SGCZ: variants seen among roughly 807,000 people sequenced by gnomAD.
SGCZ encodes the protein zeta-sarcoglycan.
Under a neutral mutation model 41.3 loss-of-function variants are expected in SGCZ, and 40 were observed. The ratio of observed to expected loss-of-function variants is 0.97; its 90% CI spans 0.75 to 1.26. The LOEUF is 1.26. SGCZ is among the 50% of genes most tolerant of loss of function. The probability of loss-of-function intolerance (pLI) is 0.00; values close to 1 mark genes in which losing one functional copy is unlikely to be tolerated. For missense variants in SGCZ, 552 were observed against 369.8 expected, an observed-to-expected ratio of 1.49 and a Z score of -4.04; for synonymous variants, 206 against 137.5, an observed-to-expected ratio of 1.50 and a Z score of -3.49.
chr8:14,420,763 G>C (rs943981796), intron 2 of SGCZ, among the ~76,000 whole-genome samples: 7 of 151,984 alleles, frequency 4.6e-5, no homozygotes, highest in African/African-American at 1.4e-4. Context: ...GTTTGTGCCA[G>C]GTCATTACAG....
At chr8:14,316,958 C>G (rs548244614) in intron 3 of SGCZ, among the ~76,000 whole-genome samples, 1 of 151,930 alleles carries the variant, frequency 6.6e-6, no homozygotes, top group Non-Finnish European at 1.5e-5. Flanking sequence ...CCTACCCCCA[C>G]CCCTACATTC....
chr8:14,340,903 C>A (rs1388436485), intron 2 of SGCZ, among the ~76,000 whole-genome samples: 1 of 151,890 alleles, frequency 6.6e-6, no homozygotes, highest in Non-Finnish European at 1.5e-5. Context: ...TTTTATTAAC[C>A]CCAGCTAAGA....
intron 1 of SGCZ, among the ~76,000 whole-genome samples, chr8:14,731,737 T>C (rs1437800158): frequency 2.0e-5 from 3 of 152,140 alleles, no homozygotes; most frequent in African/African-American, 7.2e-5. Context: ...TTTTTGTTCA[T>C]TTCTGGGTCA....
chr8:14,117,788 T>C (rs1802570769), intron 5 of SGCZ, among the ~76,000 whole-genome samples: 1 of 151,504 alleles, frequency 6.6e-6, no homozygotes, highest in Admixed American at 6.6e-5. Flanking sequence ...CCTGTGTCCA[T>C]GTGTTCTCAT....
chr8:14,554,918 T>C lies in SGCZ; in HGVS notation c.48A>G (p.Arg16=), dbSNP rs1030851025. The C allele has an allele frequency of 2.6e-5, 40 of 1,544,112 alleles. No homozygotes were observed. Among genetic ancestry groups the C allele is most frequent in the Non-Finnish European group, 3.3e-5 (38 of 1,142,894 alleles). ...NLDIEELKMT[R]EQYILATQQN... is the part of the protein sequence containing the mutation. ...GTTGGGTTGCTAGTATGTATTGTTC[T>C]CGTGTCATCTGAAAAAGAAAAAAGA... The change falls in exon 2 of 8, where the codon CGA becomes CGG. Residue 16 remains arginine (R), a synonymous_variant. Coordinates refer to ENST00000382080, the MANE Select transcript of SGCZ (RefSeq NM_139167.4).
intron 2 of SGCZ, among the ~76,000 whole-genome samples, chr8:14,395,589 G>A (rs1269404379): frequency 6.6e-6 from 1 of 152,150 alleles, no homozygotes; most frequent in Non-Finnish European, 1.5e-5. Context: ...AATATTGAAA[G>A]GAGTATTGAT....
At position 14,465,287 on chromosome 8, in the gene SGCZ, T is replaced by C. The variant is rs572043618; in HGVS notation, c.234+89445A>G. ...AATGTTTATAGTTATTAAATATTTT[T>C]CCAGTATTGGACATTTTAGTAGTAT... is the stretch of plus-strand genomic sequence containing the variant. On this transcript the variant is annotated intron_variant, in intron 2 of 7. Coordinates refer to ENST00000382080, the MANE Select transcript of SGCZ (RefSeq NM_139167.4). Among the ~76,000 whole-genome samples, 4 of 151,864 alleles carry C rather than the reference T, an allele frequency of 2.6e-5. No individual in the cohort carries two copies. In the East Asian group the frequency reaches 7.7e-4, roughly 29 times the overall value.
intron 2 of SGCZ, among the ~76,000 whole-genome samples, chr8:14,489,612 T>A (rs1801782895): frequency 6.6e-6 from 1 of 152,038 alleles, no homozygotes; most frequent in Non-Finnish European, 1.5e-5. Flanking sequence ...AAAATAATGA[T>A]GTTGTGAAAA....
Position 15,078,262 on chromosome 8 carries a change from G to A in SGCZ, c.39+159323C>T, listed in dbSNP as rs147468365. 5.4e-3 allele frequency among the ~76,000 whole-genome samples: 777 copies of A among 143,302 alleles called. 5 individuals are homozygous for A. Among genetic ancestry groups the A allele is most frequent in the African/African-American group, 0.017 (659 of 37,984 alleles). 94.0% of individuals were successfully genotyped at this position (143,302 alleles called of 152,430 possible). On this transcript the variant is annotated intron_variant, in intron 1 of 7. Coordinates refer to ENST00000382080, the MANE Select transcript of SGCZ (RefSeq NM_139167.4). ...ATGAGACAAGAACCCAGATTTCAGC[G>A]AACTAAGCAGCAAAAAATCCTGCAT...
At chr8:15,195,925 T>G (rs1290684144) in intron 1 of SGCZ, among the ~76,000 whole-genome samples, 1 of 126,288 alleles carries the variant, frequency 7.9e-6, no homozygotes, top group Non-Finnish European at 1.6e-5. Flanking sequence ...TGAGACGGAG[T>G]CTCGCTCTGT....
At chr8:14,152,247 CAAAG>C (rs1427020437) in intron 5 of SGCZ, among the ~76,000 whole-genome samples, 1 of 151,920 alleles carries the variant, frequency 6.6e-6, no homozygotes, top group Non-Finnish European at 1.5e-5. Flanking sequence ...AAAAAACTCA[CAAAG>C]AATTCAATTA....
chr8:14,285,019 T>G (rs1440122908), intron 3 of SGCZ, among the ~76,000 whole-genome samples: 12 of 152,148 alleles, frequency 7.9e-5, no homozygotes, highest in Non-Finnish European at 1.5e-4. Context: ...ATTTTCCCTC[T>G]TTTATATTGG....
chr8:14,357,723 G>C (rs1426165183), intron 2 of SGCZ, among the ~76,000 whole-genome samples: 2 of 152,110 alleles, frequency 1.3e-5, no homozygotes, highest in African/African-American at 4.8e-5. Flanking sequence ...CACAACGTTA[G>C]CAAATGGGTA....
chr8:14,652,037 C>T (rs1471728823), intron 1 of SGCZ, among the ~76,000 whole-genome samples: 4 of 151,964 alleles, frequency 2.6e-5, no homozygotes, highest in African/African-American at 9.7e-5. Context: ...CTCTGTGGCT[C>T]ACTTTTTCCA....
chr8:14,771,208 T>C (rs550887622), intron 1 of SGCZ, among the ~76,000 whole-genome samples: 1 of 152,228 alleles, frequency 6.6e-6, no homozygotes, highest in African/African-American at 2.4e-5. Flanking sequence ...ATTGAACTAT[T>C]TATTGATAGT....
chr8:14,571,528 T>G (rs919930960), intron 1 of SGCZ, among the ~76,000 whole-genome samples: 2 of 152,170 alleles, frequency 1.3e-5, no homozygotes, highest in African/African-American at 4.8e-5. Flanking sequence ...GCTCCAAAAC[T>G]TTTTCCAAAG....
At chr8:14,757,927 T>C (rs886857444) in intron 1 of SGCZ, among the ~76,000 whole-genome samples, 3 of 152,174 alleles carry the variant, frequency 2.0e-5, no homozygotes, top group African/African-American at 7.2e-5. Flanking sequence ...TGTTAAATAG[T>C]TTCATCTTAA....
chr8:14,312,500 T>A (rs1429759671), intron 3 of SGCZ, among the ~76,000 whole-genome samples: 1 of 152,132 alleles, frequency 6.6e-6, no homozygotes, highest in Non-Finnish European at 1.5e-5. Flanking sequence ...GTGCTTGTAA[T>A]CCTAGCTACT....
chr8:15,057,407 G>T (rs1191805626), intron 1 of SGCZ, among the ~76,000 whole-genome samples: 1 of 152,094 alleles, frequency 6.6e-6, no homozygotes, highest in African/African-American at 2.4e-5. Flanking sequence ...ATGAAGAAAA[G>T]AAAAGATTTC....
Sources: allele counts gnomAD v4.1 joint callset (sites outside exome capture counted in the v4.1 genomes callset), GRCh38; gene constraint gnomAD v4.1.1; transcripts MANE v1.5; gene names NCBI Gene and HGNC (gene_info 2026-07-23, HGNC 2026-07-21).